Variants in KLHDC10 observed in about 807,000 individuals in gnomAD.
The protein encoded by KLHDC10 is kelch domain-containing protein 10.
Under a neutral mutation model 56.1 loss-of-function variants are expected in KLHDC10, and 24 were observed. The ratio of observed to expected loss-of-function variants is 0.43; its 90% CI spans 0.31 to 0.60. The LOEUF (loss-of-function observed/expected upper bound fraction) is 0.60. Among genes scored for constraint, KLHDC10 ranks in the 20% least tolerant of loss-of-function variants. The pLI, the probability that KLHDC10 is intolerant of heterozygous loss-of-function variation, is 0.11. For missense variants in KLHDC10, 349 were observed against 567.0 expected, an observed-to-expected ratio of 0.62 and a Z score of 3.91; for synonymous variants, 188 against 207.1, an observed-to-expected ratio of 0.91 and a Z score of 0.79.
At chr7:130,092,794 A>G (rs1795793760) in intron 1 of KLHDC10, among the ~76,000 whole-genome samples, 1 of 152,102 alleles carries the variant, frequency 6.6e-6, no homozygotes, top group Non-Finnish European at 1.5e-5. Flanking sequence ...TAGGCTGTAA[A>G]TGTTTAAAAT....
rs944054741 is a variant in KLHDC10 at position 130,130,144 on chromosome 7, C to T, written c.1120-393C>T. Among the ~76,000 whole-genome samples the T allele has an allele frequency of 1.3e-5, 2 of 151,700 alleles. No homozygotes were observed. Among genetic ancestry groups the T allele is most frequent in the Non-Finnish European group, 2.9e-5 (2 of 67,950 alleles). ...ATCCTGGCTAACACGGATGAAACCC[C>T]ATCTCTACTAAAAATACAAAAAAAA... On this transcript the variant is annotated intron_variant, in intron 9 of 9. Coordinates refer to ENST00000335420, the MANE Select transcript of KLHDC10 (RefSeq NM_014997.4). This position sits in a 1 kb window ranked among gnomAD's most constrained non-coding sequence, Gnocchi z 4.2.
intron 2 of KLHDC10, among the ~76,000 whole-genome samples, chr7:130,106,012 G>C (rs1157615735): frequency 2.0e-5 from 3 of 152,124 alleles, no homozygotes; most frequent in African/African-American, 7.2e-5. Context: ...AGCTGGGCAT[G>C]GTGGTGCATG....
intron 1 of KLHDC10, 105 bp downstream of exon 1, chr7:130,070,914 C>T (rs1289175978): frequency 2.6e-6 from 2 of 772,088 alleles, no homozygotes; most frequent in Admixed American, 3.8e-5. Context: ...AAAGGCAGGC[C>T]CCACGCATAG....
intron 2 of KLHDC10, among the ~76,000 whole-genome samples, chr7:130,109,659 G>C (rs1338180101): frequency 6.6e-6 from 1 of 152,040 alleles, no homozygotes; most frequent in African/African-American, 2.4e-5. Context: ...TTTGTTTTGA[G>C]ACGGAGTCTC....
intron 5 of KLHDC10, among the ~76,000 whole-genome samples, chr7:130,123,006 T>TGG (rs1796268787): frequency 3.4e-5 from 5 of 145,604 alleles, no homozygotes; most frequent in African/African-American, 1.3e-4. Context: ...TGATGAATGA[T>TGG]AGATGGATGT....
At chr7:130,093,441 G>A (rs1399482917) in intron 1 of KLHDC10, among the ~76,000 whole-genome samples, 1 of 152,070 alleles carries the variant, frequency 6.6e-6, no homozygotes, top group Admixed American at 6.5e-5. Flanking sequence ...GGCCAGGCTG[G>A]TCTCAAACTC....
chr7:130,093,897 A>G (rs1401336485), intron 1 of KLHDC10, among the ~76,000 whole-genome samples: 1 of 151,976 alleles, frequency 6.6e-6, no homozygotes, highest in Non-Finnish European at 1.5e-5. Context: ...AGGGTTTTTT[A>G]TTACAGTTTT....
intron 1 of KLHDC10, among the ~76,000 whole-genome samples, chr7:130,076,704 T>A (rs1795509129): frequency 6.6e-6 from 1 of 152,232 alleles, no homozygotes; most frequent in African/African-American, 2.4e-5. Flanking sequence ...GGCAGTGTCC[T>A]TCATTTAGTT....
chr7:130,085,334 G>GAA (rs538218868), intron 1 of KLHDC10, among the ~76,000 whole-genome samples: 6 of 75,592 alleles, frequency 7.9e-5, no homozygotes, highest in East Asian at 3.8e-4. Flanking sequence ...CTCCATCTCA[G>GAA]AAAAAAAAAA....
In KLHDC10 at chr7:130,130,026, A is replaced by G. The variant is rs1273408422; in HGVS notation, c.1119+450A>G. Among the ~76,000 whole-genome samples, 1 of 152,056 alleles carries G rather than the reference A, an allele frequency of 6.6e-6. No individual in the cohort carries two copies. The highest frequency in any genetic ancestry group is 1.5e-5 in the Non-Finnish European group (1 of 68,018). ...TTGTTGTTGAAGTAAAAAAAAATTCATATATATAGGCCGGGCGCGGTGGCT... is the reference window on the plus strand; with the variant it reads ...TTGTTGTTGAAGTAAAAAAAAATTCGTATATATAGGCCGGGCGCGGTGGCT... On this transcript the variant is annotated intron_variant, in intron 9 of 9. Coordinates refer to ENST00000335420, the MANE Select transcript of KLHDC10 (RefSeq NM_014997.4). This position sits in a 1 kb window ranked among gnomAD's most constrained non-coding sequence, Gnocchi z 4.2.
rs1584642389 is a variant in KLHDC10 at position 130,129,462 on chromosome 7, T to A, written c.1005T>A (p.Asn335Lys). The change falls in exon 9 of 10, where the codon AAT becomes AAA. Residue 335 changes from asparagine (N) to lysine (K), a missense_variant. By Grantham distance (94) the Asn-to-Lys change is moderately conservative. Transcript: ENST00000335420. Reference sequence around the variant, plus strand: ...ATGTATTTATTTGTGGGGGCTATAATGGAGAGGTGATCCTGGGAGATATCT... The same window carrying A: ...ATGTATTTATTTGTGGGGGCTATAAAGGAGAGGTGATCCTGGGAGATATCT... ...KNDVFICGGY[N>K]GEVILGDIWK... The A allele has an allele frequency of 6.2e-7, 1 of 1,614,186 alleles. No homozygotes were observed.
At chr7:130,098,278 A>G (rs776783856) in intron 2 of KLHDC10, among the ~76,000 whole-genome samples, 7 of 152,134 alleles carry the variant, frequency 4.6e-5, no homozygotes, top group Non-Finnish European at 1.0e-4. Flanking sequence ...AGATTGCTTG[A>G]GCCCAGGAGT....
Position 130,128,605 on chromosome 7 carries a change from C to A in KLHDC10, c.980-832C>A, listed in dbSNP as rs188778943. 1.4e-4 allele frequency among the ~76,000 whole-genome samples: 22 copies of A among 152,110 alleles called. No individual in the cohort carries two copies. In the East Asian group the frequency reaches 4.2e-3, roughly 29 times the overall value. The stretch of plus-strand genomic sequence containing the variant: ...TGAACATTGCAGTGAAGTGAACGTT[C>A]CTCCTCAGGTTAAATGTCTACATAG... On this transcript the variant is annotated intron_variant, in intron 8 of 9. Transcript: ENST00000335420.
rs755905994 is a variant in KLHDC10, at chr7:130,130,957, G to A, written c.*211G>A. 1.3e-5 allele frequency: 7 copies of A among 546,692 alleles called. No individual in the cohort carries two copies. Among genetic ancestry groups the A allele is most frequent in the Non-Finnish European group, 2.3e-5 (7 of 304,334 alleles). The allele number at this position is 546,692 out of a possible 1,614,324, so 33.9% of individuals were successfully genotyped here. On this transcript the variant is annotated 3_prime_UTR_variant, in exon 10 of 10. Coordinates refer to ENST00000335420, the MANE Select transcript of KLHDC10 (RefSeq NM_014997.4). The surrounding 1 kb of genome is among the most constrained non-coding windows in gnomAD (Gnocchi z 4.2). The stretch of plus-strand genomic sequence containing the variant: ...TTCCTTCTTTGCTTCTGTTCCTCCT[G>A]ACCCATTACATGCACATGTACTCAC...
At chr7:130,081,962 G>T (rs1795614333) in intron 1 of KLHDC10, among the ~76,000 whole-genome samples, 1 of 151,296 alleles carries the variant, frequency 6.6e-6, no homozygotes, top group African/African-American at 2.4e-5. Context: ...AAAACCTGTT[G>T]TCTCCCACCC....
At position 130,102,472 on chromosome 7, in the gene KLHDC10, A is replaced by G. The variant is rs374259088; in HGVS notation, c.253+5465A>G. ...GTGGAGTGGAACTTGAGGAAGTTCT[A>G]ATCACAGAATGTATCTTTACAGAGC... On this transcript the variant is annotated intron_variant, in intron 2 of 9. Transcript: ENST00000335420. Among the ~76,000 whole-genome samples the G allele has an allele frequency of 4.6e-5, 7 of 152,308 alleles. No individual in the cohort carries two copies. The South Asian group carries it at 8.3e-4, about 18-fold the overall frequency.
At chr7:130,108,015 CAAACA>C (rs540827278) in intron 2 of KLHDC10, among the ~76,000 whole-genome samples, 7 of 141,820 alleles carry the variant, frequency 4.9e-5, no homozygotes, top group East Asian at 2.1e-4. Context: ...ACTCCGTCTC[CAAACA>C]AAACAAAACA....
In KLHDC10 at chr7:130,135,372, T is replaced by A. The variant is rs575527570; in HGVS notation, c.*4626T>A. 6.5e-6 allele frequency: 1 copy of A among 154,374 alleles called. No homozygotes were observed. The highest frequency in any genetic ancestry group is 1.5e-5 in the Non-Finnish European group (1 of 68,212). The allele number at this position is 154,374 out of a possible 1,614,324, so 9.6% of individuals were successfully genotyped here. A position where few individuals can be genotyped will look rare whatever the true frequency, so the allele number is the denominator to read the frequency against. ...CAATGACGAATTTCATGGAAGAACC[T>A]AGGCAAGAAAGGAAGCCTCTTTCTG... On this transcript the variant is annotated 3_prime_UTR_variant, in exon 10 of 10. Coordinates refer to ENST00000335420, the MANE Select transcript of KLHDC10 (RefSeq NM_014997.4).
chr7:130,113,877 G>C (rs953035246), intron 2 of KLHDC10, among the ~76,000 whole-genome samples: 2 of 152,180 alleles, frequency 1.3e-5, no homozygotes, highest in Non-Finnish European at 2.9e-5. Flanking sequence ...GCAAATGACA[G>C]AGATTTTTAG....
Sources: gnomAD v4.1 joint callset for allele counts (sites outside exome capture counted in the v4.1 genomes callset) on GRCh38, gnomAD v4.1.1 for gene constraint, Gnocchi (gnomAD v3.1) non-coding constraint, MANE v1.5 for transcripts, NCBI Gene and HGNC (gene_info 2026-07-23, HGNC 2026-07-21) for gene names.